Variants in NTRK2 observed in about 807,000 individuals in gnomAD.
NTRK2 encodes the protein BDNF/NT-3 growth factors receptor.
In NTRK2, 13 loss-of-function variants were observed where a neutral mutation model predicts 94.5. The ratio of observed to expected loss-of-function variants is 0.14; its 90% CI spans 0.09 to 0.22. The LOEUF is 0.22. Ranked by LOEUF, NTRK2 falls within the 10% of genes least tolerant of loss-of-function variation. NTRK2 has a pLI of 1.00. For synonymous variants in NTRK2, 372 were observed against 407.4 expected (o/e 0.91, Z 1.05); for missense variants, 639 against 1,071.2 (o/e 0.60, Z 5.63).
chr9:84,690,682 G>A (rs1403660391), intron 2 of NTRK2, among the ~76,000 whole-genome samples: 1 of 151,286 alleles, frequency 6.6e-6, no homozygotes, highest in African/African-American at 2.4e-5. Context: ...TCACGCCACT[G>A]CACTCCAGCC....
chr9:84,766,192 C>T (rs531324837), intron 12 of NTRK2, among the ~76,000 whole-genome samples: 1 of 152,206 alleles, frequency 6.6e-6, no homozygotes, highest in South Asian at 2.1e-4. Context: ...TACGATGACA[C>T]TGGGGCCAAG....
At chr9:84,956,229 G>T (rs1278601332) in intron 17 of NTRK2, among the ~76,000 whole-genome samples, 1 of 152,206 alleles carries the variant, frequency 6.6e-6, no homozygotes, top group Non-Finnish European at 1.5e-5. Flanking sequence ...AAGCGGTTTA[G>T]CTTGGTGAGA....
intron 12 of NTRK2, among the ~76,000 whole-genome samples, chr9:84,787,319 AAAAC>A (rs201059157): frequency 0.027 from 4,180 of 152,018 alleles, 141 homozygotes; most frequent in African/African-American, 0.079. Flanking sequence ...ACAAACAAAC[AAAAC>A]AAACAAACAA....
chr9:84,672,863 A>G (rs2058785856), intron 2 of NTRK2, among the ~76,000 whole-genome samples: 1 of 152,198 alleles, frequency 6.6e-6, no homozygotes, highest in African/African-American at 2.4e-5. Context: ...CTTCTTTTAT[A>G]TCTGATGGCA....
chr9:84,774,998 G>A (rs1056824601), intron 12 of NTRK2, among the ~76,000 whole-genome samples: 1 of 152,330 alleles, frequency 6.6e-6, no homozygotes, highest in Middle Eastern at 3.4e-3. Context: ...TACCTTGTCA[G>A]TTTTTCTTTT....
At chr9:84,895,414 C>T (rs1190278230) in intron 14 of NTRK2, among the ~76,000 whole-genome samples, 1 of 152,182 alleles carries the variant, frequency 6.6e-6, no homozygotes, top group Non-Finnish European at 1.5e-5. Context: ...TTCTCCTATA[C>T]TTCATCCCGG....
chr9:84,888,496 C>A (rs1258924421), intron 14 of NTRK2, among the ~76,000 whole-genome samples: 1 of 151,164 alleles, frequency 6.6e-6, no homozygotes, highest in African/African-American at 2.4e-5. Flanking sequence ...ACCTGTAGTC[C>A]CAGCTACTCT....
intron 17 of NTRK2, among the ~76,000 whole-genome samples, chr9:84,963,174 G>A (rs1381801561): frequency 1.3e-5 from 2 of 152,176 alleles, no homozygotes; most frequent in African/African-American, 4.8e-5. Flanking sequence ...TTTTCCATCA[G>A]GGCATAAATC....
intron 9 of NTRK2, among the ~76,000 whole-genome samples, chr9:84,737,137 A>T (rs937111108): frequency 9.8e-5 from 15 of 152,320 alleles, no homozygotes; most frequent in Admixed American, 7.2e-4. Context: ...CTTTAGGTAG[A>T]GCATTAGAGG....
intron 14 of NTRK2, among the ~76,000 whole-genome samples, chr9:84,904,508 A>T (rs1005147186): frequency 6.6e-6 from 1 of 152,250 alleles, no homozygotes; most frequent in Non-Finnish European, 1.5e-5. Context: ...GTAGTTGAGA[A>T]AATGGAAGCT....
At chr9:84,712,967 T>G (rs1208697486) in intron 6 of NTRK2, among the ~76,000 whole-genome samples, 1 of 152,216 alleles carries the variant, frequency 6.6e-6, no homozygotes, top group East Asian at 1.9e-4. Flanking sequence ...TATGTACAAG[T>G]GCAAAGTTTT....
chr9:84,955,207 G>A lies in NTRK2; in HGVS notation c.1938-76G>A, dbSNP rs1353272744. 6.5e-6 allele frequency: 8 copies of A among 1,234,740 alleles called. No homozygotes were observed. In the East Asian group the frequency reaches 7.6e-5, roughly 12 times the overall value. 76.5% of individuals were successfully genotyped at this position (1,234,740 alleles called of 1,614,324 possible). ...GGTGAGGAGCTTAGCAAGAGGGACG[G>A]GGAGGGGCAGGGGCAAAGGGCCCCT... On this transcript the variant is annotated intron_variant, in intron 16 of 18. Coordinates refer to ENST00000277120, the MANE Select transcript of NTRK2 (RefSeq NM_006180.6).
At chr9:84,967,778 A>G (rs981777272) in intron 17 of NTRK2, among the ~76,000 whole-genome samples, 5 of 152,250 alleles carry the variant, frequency 3.3e-5, no homozygotes, top group Non-Finnish European at 7.3e-5. Context: ...CAGCACAGAA[A>G]TCTTCCTGGG....
chr9:84,724,927 T>A (rs951607704), intron 8 of NTRK2, among the ~76,000 whole-genome samples: 7 of 152,220 alleles, frequency 4.6e-5, no homozygotes, highest in African/African-American at 1.7e-4. Flanking sequence ...TGAATCTAAG[T>A]TCAAAGATAT....
intron 12 of NTRK2, chr9:84,815,802 A>G: frequency 1.1e-6 from 1 of 932,642 alleles, no homozygotes; most frequent in Non-Finnish European, 1.3e-6. Flanking sequence ...TTCAGAACTG[A>G]AGACTTTAGA....
intron 12 of NTRK2, among the ~76,000 whole-genome samples, chr9:84,821,126 T>C (rs1198565852): frequency 6.6e-6 from 1 of 152,134 alleles, no homozygotes; most frequent in African/African-American, 2.4e-5. Flanking sequence ...CTCTTTTATC[T>C]TTTTTTAAAA....
chr9:85,017,852 A>G (rs1298675733), intron 17 of NTRK2, among the ~76,000 whole-genome samples: 2 of 152,218 alleles, frequency 1.3e-5, no homozygotes, highest in Non-Finnish European at 2.9e-5. Flanking sequence ...AGCAACACCA[A>G]AATGCACAGT....
At chr9:84,814,098 G>A in intron 12 of NTRK2, 2 of 1,065,266 alleles carry the variant, frequency 1.9e-6, no homozygotes, top group African/African-American at 3.3e-5. Context: ...CTCCCAGCAG[G>A]GACTGATTTC....
rs114492086 is a variant in NTRK2, at chr9:84,843,115, G to A, written c.1397-17925G>A. 6.6e-3 allele frequency among the ~76,000 whole-genome samples: 1,012 copies of A among 152,308 alleles called. 9 individuals carry two copies. Among genetic ancestry groups the A allele is most frequent in the African/African-American group, 0.023 (943 of 41,582 alleles). ...CTACTGGATGGTATTACGGTGAGGA[G>A]CTAATAAAATGCCTCATGCGTATAA... On this transcript the variant is annotated intron_variant, in intron 12 of 18. Transcript: ENST00000277120.
Sources: gnomAD v4.1 joint callset for allele counts (sites outside exome capture counted in the v4.1 genomes callset) on GRCh38, gnomAD v4.1.1 for gene constraint, MANE v1.5 for transcripts, NCBI Gene and HGNC (gene_info 2026-07-23, HGNC 2026-07-21) for gene names.